The following CNTNAP2 variants were observed in gnomAD, a reference collection of about 807,000 sequenced individuals.
The protein encoded by CNTNAP2 is contactin associated protein 2.
CNTNAP2 carries 98 observed loss-of-function variants against 155.2 expected under a neutral mutation model. The observed-to-expected ratio is 0.63, with a 90% CI of 0.54 to 0.75. The LOEUF is 0.75. Ranked by LOEUF, CNTNAP2 falls within the 30% of genes least tolerant of loss-of-function variation. CNTNAP2 has a pLI of 0.00. For missense variants in CNTNAP2, 1,727 were observed against 1,688.1 expected (o/e 1.02, Z -0.40); for synonymous variants, 651 against 631.2 (o/e 1.03, Z -0.47).
At chr7:146,424,851 TTTAA>T (rs1796065556) in intron 1 of CNTNAP2, among the ~76,000 whole-genome samples, 1 of 152,210 alleles carries the variant, frequency 6.6e-6, no homozygotes, top group Non-Finnish European at 1.5e-5. Flanking sequence ...AAATCTGTTA[TTTAA>T]GTACTAGTTC....
intron 3 of CNTNAP2, among the ~76,000 whole-genome samples, chr7:147,042,899 AGAG>A (rs1479779960): frequency 7.9e-5 from 12 of 152,278 alleles, no homozygotes; most frequent in Admixed American, 1.3e-4. Flanking sequence ...TAAATCGAAA[AGAG>A]AATATCTTCT....
intron 11 of CNTNAP2, among the ~76,000 whole-genome samples, chr7:147,499,239 T>G (rs1798766040): frequency 6.6e-6 from 1 of 152,028 alleles, no homozygotes; most frequent in Admixed American, 6.6e-5. Context: ...TATTTTAAAA[T>G]ACTTACCAGC....
chr7:147,273,174 A>G (rs1377025619), intron 8 of CNTNAP2, among the ~76,000 whole-genome samples: 1 of 152,068 alleles, frequency 6.6e-6, no homozygotes, highest in Non-Finnish European at 1.5e-5. Flanking sequence ...AACGGGCGGG[A>G]TTGAATTCAC....
chr7:148,319,978 T>C (rs61191740), intron 21 of CNTNAP2, among the ~76,000 whole-genome samples: 2,479 of 152,244 alleles, frequency 0.016, 57 homozygotes, highest in African/African-American at 0.056. Flanking sequence ...TGGTCCCTGG[T>C]GCCAAAAAGA....
At chr7:147,729,416 GCACACACACACGCACACACACA>G (rs1450543851) in intron 13 of CNTNAP2, among the ~76,000 whole-genome samples, 141 of 45,122 alleles carry the variant, frequency 3.1e-3, no homozygotes, top group African/African-American at 0.014. Context: ...GCACACACAC[GCACACACACACGCACACACACA>G]CACACACACA....
chr7:147,372,869 C>T (rs998016544), intron 9 of CNTNAP2, among the ~76,000 whole-genome samples: 3 of 152,050 alleles, frequency 2.0e-5, no homozygotes, highest in East Asian at 1.9e-4. Flanking sequence ...TACTTAACAT[C>T]CTGGCAAAGC....
intron 9 of CNTNAP2, among the ~76,000 whole-genome samples, chr7:147,327,061 T>C (rs1316392926): frequency 6.6e-6 from 1 of 152,194 alleles, no homozygotes; most frequent in African/African-American, 2.4e-5. Flanking sequence ...TTTTCTTTTG[T>C]TGGTCAGGCA....
At chr7:147,662,285 A>G (rs1795624487) in intron 13 of CNTNAP2, among the ~76,000 whole-genome samples, 1 of 152,188 alleles carries the variant, frequency 6.6e-6, no homozygotes, top group Non-Finnish European at 1.5e-5. Flanking sequence ...TCACAGCCTG[A>G]AGGGCAATGT....
At chr7:146,158,212 C>A (rs1297341921) in intron 1 of CNTNAP2, among the ~76,000 whole-genome samples, 5 of 151,992 alleles carry the variant, frequency 3.3e-5, no homozygotes, top group African/African-American at 1.2e-4. Context: ...AGAAAGGACA[C>A]CCACACCAAA....
intron 14 of CNTNAP2, among the ~76,000 whole-genome samples, chr7:147,971,551 A>AT (rs994481066): frequency 1.3e-5 from 2 of 151,960 alleles, no homozygotes; most frequent in African/African-American, 4.8e-5. Context: ...AGAATATGTG[A>AT]TTTTTTTGTG....
intron 1 of CNTNAP2, among the ~76,000 whole-genome samples, chr7:146,154,243 G>A (rs1304772372): frequency 6.6e-6 from 1 of 152,098 alleles, no homozygotes; most frequent in Non-Finnish European, 1.5e-5. Context: ...ATGTAATATA[G>A]TGATGTATAT....
chr7:148,169,043 A>G (rs1026784354), intron 17 of CNTNAP2, among the ~76,000 whole-genome samples: 4 of 152,358 alleles, frequency 2.6e-5, no homozygotes, highest in Admixed American at 1.3e-4. Context: ...AAGTCAAAAG[A>G]CACAAACTGG....
intron 1 of CNTNAP2, among the ~76,000 whole-genome samples, chr7:146,686,959 TTGA>T (rs1800611438): frequency 6.6e-6 from 1 of 152,160 alleles, no homozygotes. Flanking sequence ...AAGCACTATG[TTGA>T]TGATATTTCT....
chr7:147,549,260 G>A (rs1799804769), intron 11 of CNTNAP2, among the ~76,000 whole-genome samples: 1 of 152,034 alleles, frequency 6.6e-6, no homozygotes, highest in East Asian at 1.9e-4. Flanking sequence ...ATTTGTTGAT[G>A]TCCTGTCTTA....
chr7:146,420,156 C>T (rs765213025), intron 1 of CNTNAP2, among the ~76,000 whole-genome samples: 3 of 152,180 alleles, frequency 2.0e-5, no homozygotes, highest in Non-Finnish European at 4.4e-5. Flanking sequence ...GAAAATGAAG[C>T]AGTTGTCAGT....
chr7:147,376,203 G>A (rs1259334019), intron 9 of CNTNAP2, among the ~76,000 whole-genome samples: 1 of 152,022 alleles, frequency 6.6e-6, no homozygotes, highest in Admixed American at 6.6e-5. Flanking sequence ...TATCACGTTT[G>A]TATGATAACT....
At chr7:147,763,275 A>G (rs1389424285) in intron 13 of CNTNAP2, among the ~76,000 whole-genome samples, 1 of 151,552 alleles carries the variant, frequency 6.6e-6, no homozygotes. Flanking sequence ...AAAAAAAGAA[A>G]AAAAAAAAGA....
intron 1 of CNTNAP2, among the ~76,000 whole-genome samples, chr7:146,637,983 G>A (rs1312582173): frequency 6.6e-6 from 1 of 152,096 alleles, no homozygotes; most frequent in Non-Finnish European, 1.5e-5. Flanking sequence ...TGATCACATA[G>A]TGTGTCTATA....
intron 21 of CNTNAP2, among the ~76,000 whole-genome samples, chr7:148,321,306 A>T (rs1452393710): frequency 6.6e-6 from 1 of 152,234 alleles, no homozygotes; most frequent in Non-Finnish European, 1.5e-5. Context: ...TTCTAAATCC[A>T]GCACAAAAAA....
Sources: allele counts gnomAD v4.1 joint callset (sites outside exome capture counted in the v4.1 genomes callset), GRCh38; gene constraint gnomAD v4.1.1; transcripts MANE v1.5; gene names NCBI Gene and HGNC (gene_info 2026-07-23, HGNC 2026-07-21).